The following ADGRL3 variants were observed in gnomAD, a reference collection of about 807,000 sequenced individuals.
ADGRL3 encodes calcium-independent alpha-latrotoxin receptor 3.
A neutral mutation model predicts 153.5 loss-of-function variants in ADGRL3; 62 were observed. The ratio of observed to expected loss-of-function variants is 0.40; its 90% CI spans 0.33 to 0.50. The LOEUF (loss-of-function observed/expected upper bound fraction) is 0.50. Among genes scored for constraint, ADGRL3 ranks in the 20% least tolerant of loss-of-function variants. The pLI is 0.47. For synonymous variants in ADGRL3, 710 were observed against 672.5 expected (o/e 1.06, Z -0.86); for missense variants, 1,641 against 1,859.4 (o/e 0.88, Z 2.16).
chr4:61,606,546 T>C (rs1248694117), intron 5 of ADGRL3, among the ~76,000 whole-genome samples: 2 of 152,224 alleles, frequency 1.3e-5, no homozygotes, highest in Non-Finnish European at 1.5e-5. Flanking sequence ...TGTCTCTTTC[T>C]TTTCTTATAA....
At chr4:61,744,899 A>G (rs2096634153) in intron 8 of ADGRL3, among the ~76,000 whole-genome samples, 1 of 152,222 alleles carries the variant, frequency 6.6e-6, no homozygotes, top group Admixed American at 6.5e-5. Context: ...AGAAGCCTTC[A>G]GACGATCAAA....
rs1745874662 is a variant in ADGRL3 at position 62,072,147 on chromosome 4, C to G, written c.*1239C>G. On this transcript the variant is annotated 3_prime_UTR_variant, in exon 27 of 27. Coordinates refer to ENST00000683033, the MANE Select transcript of ADGRL3 (RefSeq NM_001387552.1). ...GCTCAGTCTGATCAACAAGTGGGCA[C>G]CTGCACTACCACTTTTTAGAGGAAA... 1 of 152,626 alleles carries G rather than the reference C, an allele frequency of 6.6e-6. No individual in the cohort carries two copies. Among genetic ancestry groups the G allele is most frequent in the Admixed American group, 6.5e-5 (1 of 15,270 alleles). 9.5% of individuals were successfully genotyped at this position (152,626 alleles called of 1,614,324 possible).
At chr4:61,838,848 A>G (rs975952030) in intron 9 of ADGRL3, among the ~76,000 whole-genome samples, 1 of 152,202 alleles carries the variant, frequency 6.6e-6, no homozygotes, top group South Asian at 2.1e-4. Context: ...TATGAAAGGC[A>G]CTGCCTATAA....
chr4:61,295,309 A>C (rs2094371208), intron 1 of ADGRL3, among the ~76,000 whole-genome samples: 1 of 152,108 alleles, frequency 6.6e-6, no homozygotes, highest in Admixed American at 6.6e-5. Context: ...TTTCTATTTT[A>C]TCACTTGTTA....
rs113802707 is a variant in ADGRL3 at position 61,516,264 on chromosome 4, T to A, written c.56-1051T>A. Among the ~76,000 whole-genome samples the A allele has an allele frequency of 7.3e-4, 111 of 152,230 alleles. 1 individual carries two copies. Among genetic ancestry groups the A allele is most frequent in the African/African-American group, 2.6e-3 (106 of 41,566 alleles). ...ATTTCTAGTGTTAGCAAGATGATCA[T>A]AAAATTCTCTTGCATTATTGATTTT... On this transcript the variant is annotated intron_variant, in intron 3 of 26. Coordinates refer to ENST00000683033, the MANE Select transcript of ADGRL3 (RefSeq NM_001387552.1).
chr4:61,856,681 A>G (rs1296109343), intron 9 of ADGRL3, among the ~76,000 whole-genome samples: 1 of 131,174 alleles, frequency 7.6e-6, no homozygotes, highest in Non-Finnish European at 1.5e-5. Flanking sequence ...CAGTGGTGCA[A>G]TCTCAGCTCA....
chr4:62,008,096 T>C (rs1057359663), intron 21 of ADGRL3, among the ~76,000 whole-genome samples: 1 of 152,016 alleles, frequency 6.6e-6, no homozygotes, highest in Non-Finnish European at 1.5e-5. Context: ...TGAAGACTTA[T>C]TAGAGTGGGG....
At chr4:61,949,811 A>C (rs1434307454) in intron 17 of ADGRL3, among the ~76,000 whole-genome samples, 1 of 152,208 alleles carries the variant, frequency 6.6e-6, no homozygotes, top group East Asian at 1.9e-4. Context: ...TAATATATAC[A>C]AAATTATTTG....
At position 62,076,896 on chromosome 4, in the gene ADGRL3, A is replaced by G. The variant is rs1245039532; in HGVS notation, c.*5988A>G. ...TCTTTCTAATACATATGAAATTAAT[A>G]TTATATTAGAATTATGTACATTATA... is the stretch of plus-strand genomic sequence containing the variant. On this transcript the variant is annotated 3_prime_UTR_variant, in exon 27 of 27. Transcript: ENST00000683033. 2 of 151,580 alleles carry G rather than the reference A, an allele frequency of 1.3e-5. No individual in the cohort carries two copies. Among genetic ancestry groups the G allele is most frequent in the Non-Finnish European group, 3.0e-5 (2 of 67,772 alleles). The allele number at this position is 151,580 out of a possible 1,614,324, so 9.4% of individuals were successfully genotyped here.
At chr4:61,317,831 AC>A (rs1181629093) in intron 1 of ADGRL3, among the ~76,000 whole-genome samples, 1 of 152,222 alleles carries the variant, frequency 6.6e-6, no homozygotes, top group South Asian at 2.1e-4. Context: ...CTCTTCTCCA[AC>A]CCAGTACAAA....
At chr4:61,851,412 G>C (rs140059301) in intron 9 of ADGRL3, among the ~76,000 whole-genome samples, 5 of 151,724 alleles carry the variant, frequency 3.3e-5, no homozygotes, top group Admixed American at 3.3e-4. Context: ...CATAACGAGA[G>C]ACCTTCTCTC....
At chr4:61,989,831 G>C (rs1201794633) in intron 19 of ADGRL3, among the ~76,000 whole-genome samples, 2 of 151,922 alleles carry the variant, frequency 1.3e-5, no homozygotes, top group Non-Finnish European at 1.5e-5. Flanking sequence ...GACATCTAAA[G>C]ATCATGTATA....
intron 1 of ADGRL3, among the ~76,000 whole-genome samples, chr4:61,240,681 G>A (rs907475266): frequency 4.6e-5 from 7 of 152,014 alleles, no homozygotes; most frequent in Admixed American, 4.6e-4. Context: ...GCTATTTACA[G>A]ATGTTTGCTA....
At chr4:61,422,718 G>A (rs906255473) in intron 2 of ADGRL3, among the ~76,000 whole-genome samples, 3 of 151,936 alleles carry the variant, frequency 2.0e-5, no homozygotes, top group Non-Finnish European at 4.4e-5. Flanking sequence ...TGAATGAATA[G>A]TAATCTGCCC....
At chr4:61,665,855 G>C (rs1269121896) in intron 5 of ADGRL3, among the ~76,000 whole-genome samples, 1 of 152,084 alleles carries the variant, frequency 6.6e-6, no homozygotes, top group East Asian at 1.9e-4. Flanking sequence ...ACTAGCCTCA[G>C]TACCAAGTGG....
intron 8 of ADGRL3, among the ~76,000 whole-genome samples, chr4:61,782,434 C>T (rs1490060464): frequency 6.6e-6 from 1 of 152,036 alleles, no homozygotes; most frequent in Non-Finnish European, 1.5e-5. Flanking sequence ...CAATATTGAG[C>T]AAGACTTTAA....
At chr4:61,357,271 A>C (rs1194228311) in intron 1 of ADGRL3, among the ~76,000 whole-genome samples, 1 of 152,118 alleles carries the variant, frequency 6.6e-6, no homozygotes, top group Non-Finnish European at 1.5e-5. Flanking sequence ...AATAATATTT[A>C]GGAATACGAA....
At chr4:61,556,110 C>A (rs549111228) in intron 4 of ADGRL3, among the ~76,000 whole-genome samples, 1 of 152,210 alleles carries the variant, frequency 6.6e-6, no homozygotes, top group South Asian at 2.1e-4. Flanking sequence ...CTGGTTCACA[C>A]GCCTCTGACA....
chr4:61,248,025 T>A (rs1757767730), intron 1 of ADGRL3, among the ~76,000 whole-genome samples: 1 of 152,120 alleles, frequency 6.6e-6, no homozygotes, highest in South Asian at 2.1e-4. Flanking sequence ...GCTATTTTAT[T>A]TACTCTAGAT....
Sources: allele counts gnomAD v4.1 joint callset (sites outside exome capture counted in the v4.1 genomes callset), GRCh38; gene constraint gnomAD v4.1.1; transcripts MANE v1.5; gene names NCBI Gene and HGNC (gene_info 2026-07-23, HGNC 2026-07-21).